SEC24D: variants seen among roughly 807,000 people sequenced by gnomAD.
The protein encoded by SEC24D is protein transport protein Sec24D.
In SEC24D, 69 loss-of-function variants were observed where a neutral mutation model predicts 116.9. The ratio of observed to expected loss-of-function variants is 0.59; its 90% CI spans 0.49 to 0.72. SEC24D has a LOEUF of 0.72. SEC24D is among the 30% of genes least tolerant of loss of function. The probability of loss-of-function intolerance (pLI) is 0.00; values close to 1 mark genes in which losing one functional copy is unlikely to be tolerated. For missense variants in SEC24D, 1,131 were observed against 1,264.1 expected (o/e 0.89, Z 1.60); for synonymous variants, 405 against 442.8 (o/e 0.91, Z 1.07).
At chr4:118,819,455 T>C (rs180902548) in intron 3 of SEC24D, among the ~76,000 whole-genome samples, 78 of 132,902 alleles carry the variant, frequency 5.9e-4, no homozygotes, top group African/African-American at 1.9e-3. Flanking sequence ...GGCGTGAACC[T>C]GGGAGGCGGA....
At chr4:118,830,333 C>T (rs1036090585) in intron 2 of SEC24D, among the ~76,000 whole-genome samples, 2 of 152,142 alleles carry the variant, frequency 1.3e-5, no homozygotes, top group Admixed American at 6.5e-5. Context: ...GAGGCCAAGG[C>T]GAGAGGATCA....
intron 21 of SEC24D, chr4:118,729,093 A>G (rs1725553219): frequency 6.4e-6 from 1 of 155,184 alleles, no homozygotes. Flanking sequence ...AGCATTTTAT[A>G]TTGTATTAGG....
At chr4:118,777,976 G>C (rs1393900224) in intron 8 of SEC24D, among the ~76,000 whole-genome samples, 6 of 152,004 alleles carry the variant, frequency 3.9e-5, no homozygotes, top group Non-Finnish European at 7.4e-5. Flanking sequence ...TTGTAAATTT[G>C]TTTAAGTTCT....
At chr4:118,810,629 C>G (rs1052259036) in intron 6 of SEC24D, among the ~76,000 whole-genome samples, 2 of 152,150 alleles carry the variant, frequency 1.3e-5, no homozygotes, top group African/African-American at 4.8e-5. Context: ...ACACAGATTC[C>G]AGGGCCTTAG....
chr4:118,797,844 T>C (rs893392748), intron 7 of SEC24D, 34 bp from the exon 8 acceptor site: 3 of 1,527,892 alleles, frequency 2.0e-6, no homozygotes, highest in East Asian at 2.3e-5. Context: ...TTAAAACTTG[T>C]TTAGAAAAAA....
intron 11 of SEC24D, among the ~76,000 whole-genome samples, 165 bp downstream of exon 11, chr4:118,757,556 T>G (rs887991432): frequency 1.3e-5 from 2 of 152,204 alleles, no homozygotes; most frequent in African/African-American, 4.8e-5. Flanking sequence ...AAGATCACTC[T>G]AACTTTCTAA....
At chr4:118,812,217 G>A (rs898562328) in intron 6 of SEC24D, among the ~76,000 whole-genome samples, 1 of 152,146 alleles carries the variant, frequency 6.6e-6, no homozygotes, top group African/African-American at 2.4e-5. Context: ...ATGATGGGCA[G>A]AGTGGTGGCC....
chr4:118,802,777 T>G (rs1005841897), intron 7 of SEC24D, among the ~76,000 whole-genome samples: 3 of 152,174 alleles, frequency 2.0e-5, no homozygotes, highest in African/African-American at 7.2e-5. Flanking sequence ...GGGGCTCGCA[T>G]AGATACTTGT....
At chr4:118,826,476 A>G (rs1730596237) in intron 2 of SEC24D, among the ~76,000 whole-genome samples, 1 of 152,246 alleles carries the variant, frequency 6.6e-6, no homozygotes, top group Admixed American at 6.5e-5. Context: ...CATATGCAAC[A>G]TAATTACAAG....
At chr4:118,826,122 C>G (rs943852354) in intron 2 of SEC24D, among the ~76,000 whole-genome samples, 9 of 151,858 alleles carry the variant, frequency 5.9e-5, no homozygotes, top group African/African-American at 1.9e-4. Context: ...TATATTAATT[C>G]TACATAGTTT....
intron 8 of SEC24D, among the ~76,000 whole-genome samples, chr4:118,790,112 T>C (rs1728832697): frequency 6.6e-6 from 1 of 152,170 alleles, no homozygotes; most frequent in East Asian, 1.9e-4. Flanking sequence ...TTCAGCAGAG[T>C]TCCTAGCACA....
At chr4:118,786,369 GA>G (rs1431753057) in intron 8 of SEC24D, among the ~76,000 whole-genome samples, 1 of 151,910 alleles carries the variant, frequency 6.6e-6, no homozygotes, top group African/African-American at 2.4e-5. Context: ...TATTCAATGG[GA>G]ACTTGATTTC....
In SEC24D at chr4:118,738,359, G is replaced by T; in HGVS notation, c.2398C>A (p.Gln800Lys). The change falls in exon 19 of 23, where the codon CAG (glutamine) becomes AAG (lysine). Residue 800 changes from glutamine to lysine, a missense_variant. Physicochemically the swap from Gln to Lys is moderately conservative, Grantham distance 53. Coordinates refer to ENST00000280551, the MANE Select transcript of SEC24D (RefSeq NM_014822.4). ...ATTTCCCGGATGACCTTCAAAGGCT[G>T]GTGGAGAACTGCTTTAAAAGCTACA... ...AKSAFKAVLH[Q>K]PLKVIREILV... The T allele has an allele frequency of 6.2e-7, 1 of 1,611,918 alleles. No individual in the cohort carries two copies. The highest frequency in any genetic ancestry group is 8.5e-7 in the Non-Finnish European group (1 of 1,178,108).
chr4:118,793,727 T>G (rs1259874699), intron 8 of SEC24D, among the ~76,000 whole-genome samples: 1 of 152,226 alleles, frequency 6.6e-6, no homozygotes, highest in African/African-American at 2.4e-5. Flanking sequence ...AAAATAAAAG[T>G]ATTCCTTTAA....
At chr4:118,828,058 A>G (rs1467756087) in intron 2 of SEC24D, among the ~76,000 whole-genome samples, 2 of 151,958 alleles carry the variant, frequency 1.3e-5, no homozygotes, top group Non-Finnish European at 2.9e-5. Flanking sequence ...TAAGCTCACT[A>G]TTAGGAGCCC....
intron 7 of SEC24D, among the ~76,000 whole-genome samples, chr4:118,804,116 G>A (rs1170757070): frequency 6.6e-6 from 1 of 152,128 alleles, no homozygotes; most frequent in Non-Finnish European, 1.5e-5. Context: ...TGTGATACGG[G>A]TGAAATATAT....
intron 8 of SEC24D, among the ~76,000 whole-genome samples, chr4:118,794,691 G>A (rs1345641875): frequency 1.3e-5 from 2 of 152,146 alleles, no homozygotes; most frequent in African/African-American, 4.8e-5. Flanking sequence ...GAAAAGCTGT[G>A]GGGATGGTTC....
At chr4:118,815,205 T>C (rs965884503) in intron 5 of SEC24D, 50 bp from the exon 6 acceptor site, 3 of 1,605,582 alleles carry the variant, frequency 1.9e-6, no homozygotes, top group Non-Finnish European at 1.7e-6. Context: ...AAATCCAGCA[T>C]GTAAGACTTG....
chr4:118,742,559 A>G (rs1726283574), intron 15 of SEC24D, among the ~76,000 whole-genome samples: 1 of 152,218 alleles, frequency 6.6e-6, no homozygotes. Flanking sequence ...ACTTTTATCC[A>G]GAAGTCTTAG....
Sources: allele counts gnomAD v4.1 joint callset (sites outside exome capture counted in the v4.1 genomes callset), GRCh38; gene constraint gnomAD v4.1.1; transcripts MANE v1.5; gene names NCBI Gene and HGNC (gene_info 2026-07-23, HGNC 2026-07-21).